Variants in LSM5 observed in about 807,000 individuals in gnomAD.
LSM5 encodes U6 snRNA-associated Sm-like protein LSm5.
LSM5 carries 8 observed loss-of-function variants against 13.8 expected under a neutral mutation model. That is an observed-to-expected ratio of 0.58 (90% CI 0.34 to 1.04). LSM5 has a LOEUF of 1.04. Ranked by LOEUF, LSM5 falls within the 50% of genes least tolerant of loss-of-function variation. LSM5 has a pLI of 0.03. For missense variants in LSM5, 80 were observed against 108.1 expected, an observed-to-expected ratio of 0.74 and a Z score of 1.15; for synonymous variants, 35 against 37.0, an observed-to-expected ratio of 0.95 and a Z score of 0.20.
At position 32,489,309 on chromosome 7, in the gene LSM5, T is replaced by C. The variant is rs562622886; in HGVS notation, c.82A>G (p.Ile28Val). 8 of 1,607,316 alleles carry C rather than the reference T, an allele frequency of 5.0e-6. No homozygotes were observed. The Admixed American group carries it at 1.2e-4, about 24-fold the overall frequency. The change falls in exon 2 of 5, where the codon ATC becomes GTC. Residue 28 changes from isoleucine (I) to valine (V), a missense_variant. Physicochemically the swap from Ile to Val is conservative, Grantham distance 29. Coordinates refer to ENST00000450169, the MANE Select transcript of LSM5 (RefSeq NM_012322.3). ...ATTTCCTTATCACTCTTCATCACGA[T>C]GTGAATTCTTGATCCTATACATTTG... The part of the protein sequence containing the change: ...VDKCIGSRIH[I>V]VMKSDKEIVG...
chr7:32,494,542 T>C (rs372844562), upstream of LSM5, among the ~76,000 whole-genome samples: 3 of 152,338 alleles, frequency 2.0e-5, no homozygotes, highest in South Asian at 6.2e-4. Context: ...ACAGTTACTG[T>C]AGTAATCTCG....
chr7:32,492,638 ATAG>A (rs1786620245), upstream of LSM5, among the ~76,000 whole-genome samples: 1 of 152,246 alleles, frequency 6.6e-6, no homozygotes. Context: ...GTTCACTTAC[ATAG>A]TAGAGTTAAT....
chr7:32,494,515 C>T (rs140068762), upstream of LSM5, among the ~76,000 whole-genome samples: 661 of 152,252 alleles, frequency 4.3e-3, 2 homozygotes, highest in Non-Finnish European at 6.9e-3. Context: ...TTTTCAAGAC[C>T]AGAAGTGCAA....
At position 32,488,373 on chromosome 7, in the gene LSM5, C is replaced by T. The variant is rs918851407; in HGVS notation, c.170+252G>A. On this transcript the variant is annotated intron_variant, in intron 3 of 4. Coordinates refer to ENST00000450169, the MANE Select transcript of LSM5 (RefSeq NM_012322.3). ...TATCAGTTCCTTTATTTGACCTGAA[C>T]CCTAAAATTCCTGGCTCTTTTTGTT... 12 of 405,802 alleles carry T rather than the reference C, an allele frequency of 3.0e-5. No individual in the cohort carries two copies. In the Admixed American group the frequency reaches 3.8e-4, roughly 13 times the overall value. 25.1% of individuals were successfully genotyped at this position (405,802 alleles called of 1,614,324 possible).
At chr7:32,490,624 T>C, upstream of LSM5, 1 of 526,970 alleles carries the variant, frequency 1.9e-6, no homozygotes, top group Non-Finnish European at 3.6e-6. Flanking sequence ...GAAGATATTT[T>C]GCCTTGTGAA....
chr7:32,487,527 G>T, intron 4 of LSM5, 158 bp downstream of exon 4: 1 of 673,858 alleles, frequency 1.5e-6, no homozygotes. Context: ...TTCAATAGCT[G>T]AGCTTTAGGA....
chr7:32,492,790 C>T (rs1786622864), upstream of LSM5, among the ~76,000 whole-genome samples: 1 of 152,062 alleles, frequency 6.6e-6, no homozygotes, highest in Non-Finnish European at 1.5e-5. Flanking sequence ...GATTTTTCTC[C>T]CTTTAAGTCT....
intron 1 of LSM5, chr7:32,489,614 A>T (rs982745017): frequency 1.0e-5 from 4 of 381,638 alleles, no homozygotes; most frequent in Non-Finnish European, 1.9e-5. Context: ...CAAAAATATA[A>T]GAGGAGATAG....
chr7:32,493,120 T>C (rs926784860), upstream of LSM5, among the ~76,000 whole-genome samples: 3 of 152,106 alleles, frequency 2.0e-5, no homozygotes, highest in Non-Finnish European at 2.9e-5. Flanking sequence ...CTGGGCAACA[T>C]AGCAACACCC....
chr7:32,489,597 C>A, intron 1 of LSM5: 2 of 420,998 alleles, frequency 4.8e-6, no homozygotes, highest in Non-Finnish European at 4.2e-6. Context: ...TCACTCTTCA[C>A]CAACTACAAA....
intron 2 of LSM5, 151 bp from the exon 3 acceptor site, chr7:32,488,803 A>G (rs1786507019): frequency 1.6e-6 from 1 of 618,032 alleles, no homozygotes; most frequent in African/African-American, 1.9e-5. Flanking sequence ...ACCTCACTGC[A>G]GCCTCCACCT....
chr7:32,488,585 A>AT (rs1333142435), intron 3 of LSM5, 40 bp downstream of exon 3: 1 of 1,418,402 alleles, frequency 7.1e-7, no homozygotes, highest in South Asian at 1.2e-5. Flanking sequence ...ACTGTCTTTA[A>AT]TTAAGAAGAG....
chr7:32,487,228 A>C lies in LSM5; in HGVS notation c.*33T>G, dbSNP rs749947813. Reference sequence around the variant, plus strand: ...TCCATTTTCTTGTCATTATAAGCCAAAACAAAATCTAGTGTAAGTCAAGGA... The same window carrying C: ...TCCATTTTCTTGTCATTATAAGCCACAACAAAATCTAGTGTAAGTCAAGGA... On this transcript the variant is annotated 3_prime_UTR_variant, in exon 5 of 5. Coordinates refer to ENST00000450169, the MANE Select transcript of LSM5 (RefSeq NM_012322.3). The C allele has an allele frequency of 4.3e-5, 69 of 1,606,462 alleles. No homozygotes were observed. Among genetic ancestry groups the C allele is most frequent in the Non-Finnish European group, 5.8e-5 (68 of 1,173,634 alleles).
intron 1 of LSM5, 53 bp downstream of exon 1, chr7:32,490,267 C>T: frequency 6.2e-7 from 1 of 1,614,118 alleles, no homozygotes; most frequent in African/African-American, 1.3e-5. Context: ...CCCCTCGGCC[C>T]CCAATCCTGA....
intron 3 of LSM5, chr7:32,488,047 G>GT (rs1403113685): frequency 5.7e-5 from 12 of 211,658 alleles, no homozygotes; most frequent in African/African-American, 5.2e-4. Flanking sequence ...ATGTTTTTTG[G>GT]GTTTTTTTTT....
At chr7:32,489,602 T>C (rs1786526055) in intron 1 of LSM5, 1 of 403,274 alleles carries the variant, frequency 2.5e-6, no homozygotes, top group Non-Finnish European at 4.4e-6. Flanking sequence ...CTTCACCAAC[T>C]ACAAAAATAT....
At chr7:32,491,855 T>C (rs541816426), upstream of LSM5, among the ~76,000 whole-genome samples, 9 of 152,326 alleles carry the variant, frequency 5.9e-5, no homozygotes, top group South Asian at 1.9e-3. Flanking sequence ...TGGTTTTGCA[T>C]TCATCTTATT....
At chr7:32,491,531 G>A (rs1786587398), upstream of LSM5, among the ~76,000 whole-genome samples, 1 of 152,156 alleles carries the variant, frequency 6.6e-6, no homozygotes, top group African/African-American at 2.4e-5. Context: ...AGAATTATGG[G>A]AAGCAGTAGT....
Position 32,489,979 on chromosome 7 carries a change from C to G in LSM5, c.46+341G>C, listed in dbSNP as rs1363762895. On this transcript the variant is annotated intron_variant, in intron 1 of 4. Transcript: ENST00000450169. ...CAACCACATACATAACATGGTCTAT[C>G]TAATCTGGGGATCGTAAACGCCAGG... is the stretch of plus-strand genomic sequence containing the variant. The G allele has an allele frequency of 2.4e-6, 3 of 1,235,778 alleles. No homozygotes were observed. The African/African-American group carries it at 4.6e-5, about 19-fold the overall frequency. 76.6% of individuals were successfully genotyped at this position (1,235,778 alleles called of 1,614,324 possible).
Sources: allele counts gnomAD v4.1 joint callset (sites outside exome capture counted in the v4.1 genomes callset), GRCh38; gene constraint gnomAD v4.1.1; transcripts MANE v1.5; gene names NCBI Gene and HGNC (gene_info 2026-07-23, HGNC 2026-07-21).